PKNOX2: variants seen among roughly 807,000 people sequenced by gnomAD.
PKNOX2 encodes PBX/knotted 1 homeobox 2, also known as homeobox protein PKNOX2.
PKNOX2 carries 14 observed loss-of-function variants against 53.1 expected under a neutral mutation model. The observed-to-expected ratio is 0.26, with a 90% CI of 0.17 to 0.41. The LOEUF is 0.41. Ranked by LOEUF, PKNOX2 falls within the 10% of genes least tolerant of loss-of-function variation. PKNOX2 has a pLI of 1.00. For synonymous variants in PKNOX2, 257 were observed against 242.8 expected (o/e 1.06, Z -0.54); for missense variants, 496 against 602.8 (o/e 0.82, Z 1.85).
intron 2 of PKNOX2, among the ~76,000 whole-genome samples, chr11:125,320,784 C>T (rs926813248): frequency 2.6e-5 from 4 of 152,300 alleles, no homozygotes; most frequent in Admixed American, 6.5e-5. Context: ...TGCCCTTAAG[C>T]GTGCTGCCTC....
chr11:125,267,716 A>G (rs987990222), intron 2 of PKNOX2, among the ~76,000 whole-genome samples: 1 of 151,874 alleles, frequency 6.6e-6, no homozygotes, highest in African/African-American at 2.4e-5. Flanking sequence ...GTGTGTATGC[A>G]CGTGTGTGTG....
At chr11:125,329,621 T>C (rs985572035) in intron 2 of PKNOX2, among the ~76,000 whole-genome samples, 1 of 152,172 alleles carries the variant, frequency 6.6e-6, no homozygotes. Context: ...AGCATGTTAT[T>C]TGGAAGCACA....
chr11:125,175,529 T>C (rs947688532), intron 1 of PKNOX2, among the ~76,000 whole-genome samples: 1 of 152,224 alleles, frequency 6.6e-6, no homozygotes, highest in Non-Finnish European at 1.5e-5. Flanking sequence ...TGGAGGCTCC[T>C]TTGCTATGTG....
intron 2 of PKNOX2, among the ~76,000 whole-genome samples, chr11:125,246,753 G>C (rs562189149): frequency 6.6e-6 from 1 of 152,248 alleles, no homozygotes; most frequent in East Asian, 1.9e-4. Context: ...AGACATCACT[G>C]TGCATTTTGC....
intron 1 of PKNOX2, chr11:125,190,112 G>A (rs1254087486): frequency 2.0e-5 from 3 of 152,284 alleles, no homozygotes; most frequent in African/African-American, 4.8e-5. Context: ...TTTTAGTAGA[G>A]ATGGGGTTTC....
intron 1 of PKNOX2, among the ~76,000 whole-genome samples, chr11:125,226,538 T>A (rs1289983239): frequency 6.6e-6 from 1 of 152,088 alleles, no homozygotes; most frequent in East Asian, 1.9e-4. Flanking sequence ...AAGGGCCGTC[T>A]CCTAGGTCCT....
At chr11:125,256,227 C>A (rs1944392190) in intron 2 of PKNOX2, among the ~76,000 whole-genome samples, 1 of 151,960 alleles carries the variant, frequency 6.6e-6, no homozygotes, top group African/African-American at 2.4e-5. Flanking sequence ...CAGGGGAAGA[C>A]CCAAGACACA....
intron 1 of PKNOX2, among the ~76,000 whole-genome samples, chr11:125,188,984 G>A (rs1956620541): frequency 6.6e-6 from 1 of 152,154 alleles, no homozygotes; most frequent in Admixed American, 6.5e-5. Context: ...AGTGTGGACA[G>A]GACACCGCAG....
Position 125,335,600 on chromosome 11 carries a change from G to T in PKNOX2, c.-23+3675G>T, listed in dbSNP as rs116925925. On this transcript the variant is annotated intron_variant, in intron 3 of 12. Coordinates refer to ENST00000298282, the MANE Select transcript of PKNOX2 (RefSeq NM_001382323.2). ...CTGAGCACTTATAGTCAAGAACTTA[G>T]AGTTGTTACTTGAAATATGCACAAA... Among the ~76,000 whole-genome samples, 875 of 152,294 alleles carry T rather than the reference G, an allele frequency of 5.7e-3. 5 individuals carry two copies. Among genetic ancestry groups the T allele is most frequent in the Non-Finnish European group, 8.1e-3 (552 of 68,022 alleles).
At chr11:125,282,531 G>A (rs145824780) in intron 2 of PKNOX2, among the ~76,000 whole-genome samples, 1 of 152,286 alleles carries the variant, frequency 6.6e-6, no homozygotes, top group Non-Finnish European at 1.5e-5. Flanking sequence ...CTGAAACAGA[G>A]CCTTGGAATT....
At chr11:125,420,973 C>T (rs112641346) in intron 10 of PKNOX2, among the ~76,000 whole-genome samples, 3,660 of 152,240 alleles carry the variant, frequency 0.024, 162 homozygotes, top group African/African-American at 0.083. Context: ...GACTTGAACA[C>T]AGATCTTTAA....
intron 1 of PKNOX2, among the ~76,000 whole-genome samples, chr11:125,222,237 AC>A (rs965688525): frequency 7.9e-5 from 12 of 151,590 alleles, no homozygotes; most frequent in African/African-American, 1.5e-4. Flanking sequence ...ATCCTGAGCC[AC>A]CCCCCTTGCT....
chr11:125,249,906 A>T (rs1426207239), intron 2 of PKNOX2, among the ~76,000 whole-genome samples: 1 of 152,054 alleles, frequency 6.6e-6, no homozygotes, highest in Non-Finnish European at 1.5e-5. Context: ...CCCCATCTCT[A>T]CTAAAAATAT....
intron 3 of PKNOX2, among the ~76,000 whole-genome samples, chr11:125,342,280 C>T (rs775518110): frequency 3.9e-5 from 6 of 152,070 alleles, no homozygotes; most frequent in East Asian, 1.9e-4. Context: ...CTTTTAGCTC[C>T]GCTGGCTCCA....
chr11:125,343,603 C>T (rs1384272936), intron 3 of PKNOX2, among the ~76,000 whole-genome samples: 1 of 152,158 alleles, frequency 6.6e-6, no homozygotes, highest in Non-Finnish European at 1.5e-5. Flanking sequence ...TTGTTAAGCT[C>T]CTCGGTAGGA....
chr11:125,377,583 T>C (rs1276567435), intron 5 of PKNOX2, among the ~76,000 whole-genome samples: 2 of 152,162 alleles, frequency 1.3e-5, no homozygotes, highest in African/African-American at 4.8e-5. Flanking sequence ...GTAGTGACCA[T>C]TCCAGGGACC....
chr11:125,397,799 G>T, intron 6 of PKNOX2, 75 bp from the exon 7 acceptor site: 1 of 1,466,202 alleles, frequency 6.8e-7, no homozygotes, highest in Non-Finnish European at 9.3e-7. Context: ...CCCTGGGGTG[G>T]TGGGGGCTGG....
chr11:125,228,721 A>G (rs539740281), intron 1 of PKNOX2, among the ~76,000 whole-genome samples: 20 of 152,202 alleles, frequency 1.3e-4, no homozygotes, highest in Non-Finnish European at 2.8e-4. Flanking sequence ...TTGGTATTCC[A>G]TTATTCTATT....
chr11:125,343,317 G>A (rs1474810127), intron 3 of PKNOX2, among the ~76,000 whole-genome samples: 2 of 152,160 alleles, frequency 1.3e-5, no homozygotes, highest in African/African-American at 2.4e-5. Context: ...CTGCCTCCAG[G>A]TAGGAAAAAG....
Sources: allele counts gnomAD v4.1 joint callset (sites outside exome capture counted in the v4.1 genomes callset), GRCh38; gene constraint gnomAD v4.1.1; transcripts MANE v1.5; gene names NCBI Gene and HGNC (gene_info 2026-07-23, HGNC 2026-07-21).